Variants in CLVS1 observed in about 807,000 individuals in gnomAD.
The protein encoded by CLVS1 is clavesin-1.
In CLVS1, 10 loss-of-function variants were observed where a neutral mutation model predicts 33.1. That is an observed-to-expected ratio of 0.30 (90% CI 0.19 to 0.51). The LOEUF is 0.51. CLVS1 is among the 20% of genes least tolerant of loss of function. CLVS1 has a pLI of 0.97. For missense variants in CLVS1, 343 were observed against 433.4 expected, an observed-to-expected ratio of 0.79 and a Z score of 1.85; for synonymous variants, 163 against 166.1, an observed-to-expected ratio of 0.98 and a Z score of 0.14.
intron 2 of CLVS1, among the ~76,000 whole-genome samples, chr8:61,198,892 A>G (rs1157476699): frequency 6.6e-6 from 1 of 152,234 alleles, no homozygotes. Context: ...TTCAAAAGAC[A>G]TTATTTCATT....
At chr8:61,347,987 C>T (rs1319719436) in intron 2 of CLVS1, among the ~76,000 whole-genome samples, 1 of 151,602 alleles carries the variant, frequency 6.6e-6, no homozygotes, top group Non-Finnish European at 1.5e-5. Context: ...ACAAAATCGA[C>T]TCTCAGCGAT....
chr8:61,484,159 G>A (rs1048391724), intron 5 of CLVS1, among the ~76,000 whole-genome samples: 1 of 152,196 alleles, frequency 6.6e-6, no homozygotes, highest in African/African-American at 2.4e-5. Flanking sequence ...AATTGTTCCT[G>A]TTTGCACATG....
chr8:61,047,399 C>T, the CLVS1 span, among the ~76,000 whole-genome samples: 30,109 of 152,050 alleles, frequency 0.2, 4,011 homozygotes, highest in African/African-American at 0.38. Context: ...GTCAGTGTGG[C>T]GATTCCTCAG....
chr8:61,029,116 G>T, the CLVS1 span, among the ~76,000 whole-genome samples: 6 of 152,206 alleles, frequency 3.9e-5, no homozygotes, highest in Non-Finnish European at 7.3e-5. Flanking sequence ...TCATATGTGT[G>T]TCTTCATACA....
chr8:61,388,481 A>C (rs1279537022), intron 3 of CLVS1, among the ~76,000 whole-genome samples: 3 of 151,880 alleles, frequency 2.0e-5, no homozygotes, highest in Non-Finnish European at 2.9e-5. Flanking sequence ...TTTTGAGCCT[A>C]AAAAATGCAG....
At chr8:61,490,623 A>C (rs1394565893) in intron 5 of CLVS1, among the ~76,000 whole-genome samples, 2 of 146,492 alleles carry the variant, frequency 1.4e-5, no homozygotes, top group Non-Finnish European at 3.0e-5. Flanking sequence ...ACACCACTGC[A>C]CTCCAGCCTG....
At chr8:61,182,123 G>A (rs1339383231) in intron 2 of CLVS1, among the ~76,000 whole-genome samples, 1 of 152,094 alleles carries the variant, frequency 6.6e-6, no homozygotes, top group Non-Finnish European at 1.5e-5. Flanking sequence ...AAACTGCCTA[G>A]CCATATGCAG....
intron 1 of CLVS1, among the ~76,000 whole-genome samples, chr8:61,092,604 C>A (rs1193273455): frequency 6.6e-6 from 1 of 152,194 alleles, no homozygotes; most frequent in African/African-American, 2.4e-5. Context: ...TGAGAGGTTG[C>A]CTTGGCTCAT....
Position 61,419,170 on chromosome 8 carries a change from G to A in CLVS1, c.631-34971G>A, listed in dbSNP as rs377099151. Among the ~76,000 whole-genome samples, 92 of 152,214 alleles carry A rather than the reference G, an allele frequency of 6.0e-4. 2 individuals are homozygous for A. In the Middle Eastern group the frequency reaches 0.031, roughly 51 times the overall value. On this transcript the variant is annotated intron_variant, in intron 3 of 5. Coordinates refer to ENST00000325897, the MANE Select transcript of CLVS1 (RefSeq NM_173519.3). ...TCCCAGCACTGTAGGAAGCCGAGGCGAATGGATCATGAGGTCAGGAATTCA... is the reference window on the plus strand; with the variant it reads ...TCCCAGCACTGTAGGAAGCCGAGGCAAATGGATCATGAGGTCAGGAATTCA...
chr8:61,419,706 A>G (rs1815581575), intron 3 of CLVS1, among the ~76,000 whole-genome samples: 1 of 152,208 alleles, frequency 6.6e-6, no homozygotes, highest in Admixed American at 6.5e-5. Flanking sequence ...TAGGAGCTGA[A>G]TACCTTAGTT....
intron 1 of CLVS1, among the ~76,000 whole-genome samples, chr8:61,069,784 AT>A (rs1416032675): frequency 1.3e-5 from 2 of 150,756 alleles, no homozygotes; most frequent in African/African-American, 2.4e-5. Flanking sequence ...CTTTCTTTTT[AT>A]TTTATTTTAT....
At chr8:61,050,210 T>C in the CLVS1 span, among the ~76,000 whole-genome samples, 1 of 152,252 alleles carries the variant, frequency 6.6e-6, no homozygotes, top group South Asian at 2.1e-4. Flanking sequence ...CCTCCTTGTA[T>C]GTTTTTATAA....
chr8:61,340,069 A>G (rs1177461962), intron 2 of CLVS1, among the ~76,000 whole-genome samples: 1 of 149,072 alleles, frequency 6.7e-6, no homozygotes, highest in Non-Finnish European at 1.5e-5. Context: ...AAAAGAAAGA[A>G]AGAAAAAGAA....
chr8:61,485,373 T>G (rs1394492181), intron 5 of CLVS1, among the ~76,000 whole-genome samples: 2 of 152,106 alleles, frequency 1.3e-5, no homozygotes, highest in Non-Finnish European at 2.9e-5. Context: ...ATCAGAGAAA[T>G]GCAAATCAAA....
intron 2 of CLVS1, among the ~76,000 whole-genome samples, chr8:61,270,094 T>A (rs1484799003): frequency 6.6e-6 from 1 of 152,168 alleles, no homozygotes; most frequent in Non-Finnish European, 1.5e-5. Flanking sequence ...CTTGTGCCAG[T>A]TTTCAAAGGC....
In CLVS1 at chr8:61,232,279, G is replaced by A. The variant is rs113905227; in HGVS notation, c.-151-67398G>A. ...TCTCGATCTCCTGACCTCGTGATCC[G>A]CCCGCCTCAGCCTCCCAAAGTGCTG... On this transcript the variant is annotated intron_variant, in intron 2 of 2. Transcript: ENST00000522621. Among the ~76,000 whole-genome samples the A allele has an allele frequency of 7.9e-5, 12 of 151,594 alleles. No homozygotes were observed. The East Asian group carries it at 1.2e-3, about 15-fold the overall frequency.
intron 1 of CLVS1, among the ~76,000 whole-genome samples, chr8:61,077,951 G>A (rs1490068155): frequency 2.0e-5 from 3 of 152,190 alleles, no homozygotes; most frequent in Non-Finnish European, 4.4e-5. Context: ...TGGCTTTTGT[G>A]TTCTTGAGAT....
intron 3 of CLVS1, among the ~76,000 whole-genome samples, chr8:61,418,547 A>G (rs1012081934): frequency 9.9e-5 from 15 of 152,202 alleles, no homozygotes; most frequent in African/African-American, 3.1e-4. Context: ...CCATACTCAT[A>G]CAAACATAGA....
intron 2 of CLVS1, among the ~76,000 whole-genome samples, chr8:61,269,601 C>A (rs1266002090): frequency 4.0e-4 from 60 of 151,132 alleles, no homozygotes; most frequent in Admixed American, 1.3e-4. Flanking sequence ...TGTAAATTAC[C>A]TTGGGCAGTA....
Sources: gnomAD v4.1 joint callset for allele counts (sites outside exome capture counted in the v4.1 genomes callset) on GRCh38, gnomAD v4.1.1 for gene constraint, MANE v1.5 for transcripts, NCBI Gene and HGNC (gene_info 2026-07-23, HGNC 2026-07-21) for gene names.